The following USP54 variants were observed in gnomAD, a reference collection of about 807,000 sequenced individuals.
The protein encoded by USP54 is ubiquitin specific peptidase 54, also known as ubiquitin carboxyl-terminal hydrolase 54.
In USP54, 87 loss-of-function variants were observed where a neutral mutation model predicts 170.5. The observed-to-expected ratio is 0.51, with a 90% confidence interval of 0.43 to 0.61. The LOEUF (loss-of-function observed/expected upper bound fraction) is 0.61. Ranked by LOEUF, USP54 falls within the 20% of genes least tolerant of loss-of-function variation. The probability of loss-of-function intolerance (pLI) is 0.00; values close to 1 mark genes in which losing one functional copy is unlikely to be tolerated. For missense variants in USP54, 1,786 were observed against 2,047.8 expected (o/e 0.87, Z 2.47); for synonymous variants, 655 against 742.8 (o/e 0.88, Z 1.92).
intron 10 of USP54, 56 bp downstream of exon 10, chr10:73,539,388 T>C: frequency 7.0e-7 from 1 of 1,437,432 alleles, no homozygotes; most frequent in Non-Finnish European, 9.2e-7. Flanking sequence ...AGACAAATGA[T>C]TATTCTTTTT....
At position 73,499,075 on chromosome 10, in the gene USP54, T is replaced by C; in HGVS notation, c.4609A>G (p.Arg1537Gly). 6.2e-7 allele frequency: 1 copy of C among 1,614,204 alleles called. No individual in the cohort carries two copies. The highest frequency in any genetic ancestry group is 8.5e-7 in the Non-Finnish European group (1 of 1,180,036). ...CAGGGTGCCCAGGAGTTGTCTGTTCTGGAGCGATGGGGGAGGCTCTGGTAG... is the reference window on the plus strand; with the variant it reads ...CAGGGTGCCCAGGAGTTGTCTGTTCCGGAGCGATGGGGGAGGCTCTGGTAG... ...LNYQSLPHRSRTDNSWAPWSE... is the reference protein window; with the variant it reads ...LNYQSLPHRSGTDNSWAPWSE... Residue 1537 changes from arginine to glycine, a missense_variant, in exon 24 of 24, where the codon AGA (arginine) becomes GGA (glycine). Arg to Gly is a moderately radical substitution (Grantham distance 125). This residue lies in a region of USP54 where 1,418 missense variants were observed against 1,569.0 expected (regional missense o/e 0.90). Coordinates refer to ENST00000687698, the MANE Select transcript of USP54 (RefSeq NM_001391956.1).
chr10:73,542,763 G>T, intron 7 of USP54, 40 bp downstream of exon 7: 3 of 1,574,150 alleles, frequency 1.9e-6, no homozygotes, highest in South Asian at 1.2e-5. Flanking sequence ...TCAACTGGAG[G>T]AATGCCTAAA....
intron 20 of USP54, among the ~76,000 whole-genome samples, chr10:73,511,303 G>A (rs1334650856): frequency 6.6e-6 from 1 of 151,830 alleles, no homozygotes; most frequent in Non-Finnish European, 1.5e-5. Context: ...TTAAATAGGT[G>A]AAATGTATGG....
At chr10:73,550,487 C>T (rs985680410) in intron 4 of USP54, among the ~76,000 whole-genome samples, 21 of 152,230 alleles carry the variant, frequency 1.4e-4, no homozygotes, top group Non-Finnish European at 2.2e-4. Flanking sequence ...TTCTCTATAG[C>T]AATTATTACT....
At chr10:73,535,711 G>A (rs1272443361) in intron 11 of USP54, among the ~76,000 whole-genome samples, 1 of 152,088 alleles carries the variant, frequency 6.6e-6, no homozygotes, top group Non-Finnish European at 1.5e-5. Flanking sequence ...ACTGGACAAG[G>A]AATTTTTCCC....
In USP54 at chr10:73,541,591, G is replaced by T. The variant is rs756438264; in HGVS notation, c.678+42C>A. 3.7e-6 allele frequency: 6 copies of T among 1,613,272 alleles called. No homozygotes were observed. In the South Asian group the frequency reaches 4.4e-5, roughly 12 times the overall value. ...TTTGCATCAATTCCACTGATCGATGGTTCCCTTTCCCACTCCAAACCCCAC... is the reference window on the plus strand; with the variant it reads ...TTTGCATCAATTCCACTGATCGATGTTTCCCTTTCCCACTCCAAACCCCAC... On this transcript the variant is annotated intron_variant, in intron 8 of 23. Coordinates refer to ENST00000687698, the MANE Select transcript of USP54 (RefSeq NM_001391956.1).
At chr10:73,565,294 A>G (rs1282558927) in intron 4 of USP54, among the ~76,000 whole-genome samples, 1 of 152,020 alleles carries the variant, frequency 6.6e-6, no homozygotes, top group East Asian at 1.9e-4. Flanking sequence ...AAGTGAAAGG[A>G]CTGCTTGAGC....
At chr10:73,537,023 A>G (rs961300022) in intron 10 of USP54, among the ~76,000 whole-genome samples, 6 of 152,216 alleles carry the variant, frequency 3.9e-5, no homozygotes, top group Admixed American at 6.5e-5. Flanking sequence ...CTCTGTTACC[A>G]TAGTGGAAAA....
At chr10:73,559,388 C>A (rs1253004083) in intron 4 of USP54, among the ~76,000 whole-genome samples, 2 of 151,954 alleles carry the variant, frequency 1.3e-5, no homozygotes, top group Non-Finnish European at 2.9e-5. Context: ...TGGAGAAACC[C>A]TGTCTCTACT....
chr10:73,612,150 C>T (rs187082868), intron 1 of USP54, among the ~76,000 whole-genome samples: 120 of 152,224 alleles, frequency 7.9e-4, no homozygotes, highest in African/African-American at 2.8e-3. Context: ...CCTAATTTAT[C>T]CTATATGTAT....
chr10:73,567,789 C>A (rs1458925830), intron 4 of USP54, among the ~76,000 whole-genome samples: 1 of 152,214 alleles, frequency 6.6e-6, no homozygotes, highest in Non-Finnish European at 1.5e-5. Flanking sequence ...GTCATATCAT[C>A]TGCAAATAAT....
At chr10:73,539,307 A>AAAAAAAT (rs1322866362) in intron 10 of USP54, 137 bp downstream of exon 10, 5 of 277,414 alleles carry the variant, frequency 1.8e-5, no homozygotes, top group African/African-American at 1.3e-4. Flanking sequence ...AAAAAAAAAA[A>AAAAAAAT]ATATATATAT....
intron 1 of USP54, among the ~76,000 whole-genome samples, chr10:73,588,527 G>T (rs1209446756): frequency 6.6e-6 from 1 of 152,126 alleles, no homozygotes; most frequent in East Asian, 1.9e-4. Context: ...CCCAGCCTGG[G>T]AAAAATGTAT....
At chr10:73,569,043 T>C (rs1049651062) in intron 4 of USP54, among the ~76,000 whole-genome samples, 2 of 152,176 alleles carry the variant, frequency 1.3e-5, no homozygotes, top group Non-Finnish European at 2.9e-5. Flanking sequence ...TCCCGACTAG[T>C]CAAAGGACTA....
chr10:73,519,559 G>A (rs1450079803), intron 19 of USP54: 4 of 565,762 alleles, frequency 7.1e-6, no homozygotes, highest in Non-Finnish European at 3.0e-6. Context: ...AGTTACCCAT[G>A]GGAAATGTGG....
chr10:73,552,723 G>A (rs1324889571), intron 4 of USP54, among the ~76,000 whole-genome samples: 1 of 152,138 alleles, frequency 6.6e-6, no homozygotes, highest in Non-Finnish European at 1.5e-5. Context: ...CCCGGGAGGT[G>A]GAGGCTGCAG....
chr10:73,517,820 T>C (rs2061291914), intron 19 of USP54, 73 bp from the exon 20 acceptor site: 5 of 1,488,448 alleles, frequency 3.4e-6, no homozygotes, highest in East Asian at 4.5e-5. Context: ...AACTCAACAT[T>C]CCATTCCCAT....
At chr10:73,594,818 C>G (rs551273567), upstream of USP54, among the ~76,000 whole-genome samples, 1 of 151,926 alleles carries the variant, frequency 6.6e-6, no homozygotes, top group African/African-American at 2.4e-5. Flanking sequence ...AATATTCTAG[C>G]CTTTGACTCT....
chr10:73,499,221 A>G (rs2057531405), intron 23 of USP54, 33 bp from the exon 24 acceptor site: 1 of 1,550,866 alleles, frequency 6.4e-7, no homozygotes, highest in Non-Finnish European at 8.7e-7. Flanking sequence ...AAGACTGAGC[A>G]TCTTCAGAAA....
Sources: allele counts gnomAD v4.1 joint callset (sites outside exome capture counted in the v4.1 genomes callset), GRCh38; gene constraint gnomAD v4.1.1; regional missense constraint gnomAD v4.1.1; transcripts MANE v1.5; gene names NCBI Gene and HGNC (gene_info 2026-07-23, HGNC 2026-07-21).